The following ATF2 variants were observed in gnomAD, a reference collection of about 807,000 sequenced individuals.
The protein encoded by ATF2 is activating transcription factor 2.
A neutral mutation model predicts 60.6 loss-of-function variants in ATF2; 24 were observed. The ratio of observed to expected loss-of-function variants is 0.40; its 90% confidence interval spans 0.29 to 0.56. The LOEUF is 0.56. Ranked by LOEUF, ATF2 falls within the 20% of genes least tolerant of loss-of-function variation. The probability of loss-of-function intolerance (pLI) is 0.54; values close to 1 mark genes in which losing one functional copy is unlikely to be tolerated. For missense variants in ATF2, 433 were observed against 607.7 expected, an observed-to-expected ratio of 0.71 and a Z score of 3.02; for synonymous variants, 206 against 215.4, an observed-to-expected ratio of 0.96 and a Z score of 0.38.
intron 12 of ATF2, among the ~76,000 whole-genome samples, chr2:175,085,350 C>T (rs898359776): frequency 1.5e-3 from 223 of 151,912 alleles, no homozygotes; most frequent in Non-Finnish European, 5.7e-4. Flanking sequence ...GCCTGGCCAA[C>T]GTGGTGAAAC....
intron 1 of ATF2, among the ~76,000 whole-genome samples, chr2:175,157,458 A>C (rs1385537781): frequency 6.6e-6 from 1 of 152,194 alleles, no homozygotes; most frequent in Non-Finnish European, 1.5e-5. Flanking sequence ...TTGGAAACTG[A>C]GGCCATCTCT....
intron 10 of ATF2, among the ~76,000 whole-genome samples, chr2:175,105,847 A>G (rs1452050054): frequency 2.0e-5 from 3 of 152,204 alleles, no homozygotes; most frequent in African/African-American, 7.2e-5. Context: ...AGATAAATAG[A>G]AAAGCCTTGA....
At chr2:175,160,580 G>T (rs1699957602) in intron 1 of ATF2, among the ~76,000 whole-genome samples, 1 of 152,098 alleles carries the variant, frequency 6.6e-6, no homozygotes. Context: ...ATATTTCACT[G>T]ATTCTCAACT....
intron 4 of ATF2, among the ~76,000 whole-genome samples, chr2:175,124,024 T>C (rs1252774219): frequency 6.6e-6 from 1 of 152,028 alleles, no homozygotes; most frequent in East Asian, 1.9e-4. Context: ...TATTTATTTA[T>C]AAAATAGCTG....
At chr2:175,104,401 A>G (rs1454635446) in intron 10 of ATF2, among the ~76,000 whole-genome samples, 1 of 152,180 alleles carries the variant, frequency 6.6e-6, no homozygotes, top group Non-Finnish European at 1.5e-5. Context: ...AGATCTGAAA[A>G]CAACAAAGTA....
intron 11 of ATF2, among the ~76,000 whole-genome samples, chr2:175,094,584 A>G (rs1384062905): frequency 6.6e-6 from 1 of 152,070 alleles, no homozygotes; most frequent in Non-Finnish European, 1.5e-5. Flanking sequence ...TTTTCTCCTA[A>G]TCTATGTAAT....
chr2:175,118,406 A>G lies in ATF2; in HGVS notation c.200-37T>C, dbSNP rs759802691. On this transcript the variant is annotated intron_variant, in intron 5 of 13. Coordinates refer to ENST00000264110, the MANE Select transcript of ATF2 (RefSeq NM_001880.4). ...GTCAAGAAGTAATCATGCATATTTAAATATGTTAAGACTCTAAAATATAGC... is the reference window on the plus strand; with the variant it reads ...GTCAAGAAGTAATCATGCATATTTAGATATGTTAAGACTCTAAAATATAGC... 5 of 1,534,464 alleles carry G rather than the reference A, an allele frequency of 3.3e-6. No homozygotes were observed. In the African/African-American group the frequency reaches 6.9e-5, roughly 21 times the overall value.
intron 2 of ATF2, among the ~76,000 whole-genome samples, chr2:175,140,403 A>G (rs1698420813): frequency 6.6e-6 from 1 of 152,244 alleles, no homozygotes; most frequent in Non-Finnish European, 1.5e-5. Context: ...ATTATATTGT[A>G]TGATTCCATT....
At chr2:175,079,715 C>T (rs1693634569) in intron 13 of ATF2, among the ~76,000 whole-genome samples, 1 of 152,106 alleles carries the variant, frequency 6.6e-6, no homozygotes, top group South Asian at 2.1e-4. Context: ...TTATCGTGAG[C>T]ACCTGAGGAA....
chr2:175,117,732 A>G (rs1696679756), intron 7 of ATF2, among the ~76,000 whole-genome samples: 1 of 151,976 alleles, frequency 6.6e-6, no homozygotes, highest in African/African-American at 2.4e-5. Flanking sequence ...AGAAAAATTA[A>G]GTTAAATTTA....
At chr2:175,131,362 T>C (rs2105750565) in intron 3 of ATF2, among the ~76,000 whole-genome samples, 1 of 152,324 alleles carries the variant, frequency 6.6e-6, no homozygotes, top group East Asian at 1.9e-4. Flanking sequence ...CAACTCTTCT[T>C]ACATCCATCA....
At chr2:175,108,431 G>A (rs1456352205) in intron 10 of ATF2, among the ~76,000 whole-genome samples, 21 of 146,986 alleles carry the variant, frequency 1.4e-4, no homozygotes, top group South Asian at 2.2e-4. Context: ...GTCAGCCCCC[G>A]CCCGGCCAGC....
chr2:175,093,534 A>C (rs1694695305), intron 11 of ATF2, among the ~76,000 whole-genome samples: 1 of 152,214 alleles, frequency 6.6e-6, no homozygotes. Context: ...ATTTACATAC[A>C]AATATGAAAA....
At chr2:175,124,468 T>C (rs1189673605) in intron 4 of ATF2, among the ~76,000 whole-genome samples, 2 of 151,854 alleles carry the variant, frequency 1.3e-5, no homozygotes, top group African/African-American at 4.8e-5. Flanking sequence ...AGAATTAACT[T>C]CCTAAAAAAT....
intron 13 of ATF2, among the ~76,000 whole-genome samples, chr2:175,078,948 T>C (rs1693564478): frequency 6.6e-6 from 1 of 152,162 alleles, no homozygotes; most frequent in African/African-American, 2.4e-5. Context: ...GTTAATTTGA[T>C]TATCTACATG....
chr2:175,167,606 T>A, intron 1 of ATF2: 2 of 480,688 alleles, frequency 4.2e-6, no homozygotes, highest in South Asian at 3.1e-5. Context: ...GAGACCAGAG[T>A]GGGCCCTCTC....
chr2:175,103,983 A>G (rs908615371), intron 10 of ATF2, among the ~76,000 whole-genome samples: 1 of 151,794 alleles, frequency 6.6e-6, no homozygotes, highest in East Asian at 1.9e-4. Flanking sequence ...CATTTAACAC[A>G]TGCTTACTTT....
intron 13 of ATF2, among the ~76,000 whole-genome samples, chr2:175,079,796 T>C (rs1693644800): frequency 6.6e-6 from 1 of 152,174 alleles, no homozygotes; most frequent in African/African-American, 2.4e-5. Flanking sequence ...ATGAAGTGGA[T>C]ACATATGGTT....
chr2:175,113,562 A>G (rs905226719), intron 9 of ATF2, among the ~76,000 whole-genome samples: 5 of 152,318 alleles, frequency 3.3e-5, no homozygotes, highest in South Asian at 2.1e-4. Context: ...TAGAACATTT[A>G]CATTTTAACA....
Sources: gnomAD v4.1 joint callset for allele counts (sites outside exome capture counted in the v4.1 genomes callset) on GRCh38, gnomAD v4.1.1 for gene constraint, MANE v1.5 for transcripts, NCBI Gene and HGNC (gene_info 2026-07-23, HGNC 2026-07-21) for gene names.